Variants in MYO9A observed in about 807,000 individuals in gnomAD.
MYO9A encodes myosin IXA, also known as unconventional myosin-IXa.
Under a neutral mutation model 293.3 loss-of-function variants are expected in MYO9A, and 103 were observed. The ratio of observed to expected loss-of-function variants is 0.35; its 90% CI spans 0.30 to 0.41. The LOEUF (loss-of-function observed/expected upper bound fraction) is 0.41. Among genes scored for constraint, MYO9A ranks in the 10% least tolerant of loss-of-function variants. The probability of loss-of-function intolerance (pLI) is 1.00; values close to 1 mark genes in which losing one functional copy is unlikely to be tolerated. For synonymous variants in MYO9A, 1,001 were observed against 1,035.7 expected (o/e 0.97, Z 0.64); for missense variants, 2,685 against 3,033.0 (o/e 0.89, Z 2.69).
chr15:72,015,010 A>ATTTTT (rs34039364), intron 6 of MYO9A, among the ~76,000 whole-genome samples: 1 of 134,676 alleles, frequency 7.4e-6, no homozygotes, highest in Non-Finnish European at 1.6e-5. Flanking sequence ...CGCCCTGCTA[A>ATTTTT]TTTTTTTTTT....
rs2054428502 is a variant in MYO9A, at chr15:71,825,246, C to T, written c.*1334G>A. 6.6e-6 allele frequency: 1 copy of T among 152,100 alleles called. No individual in the cohort carries two copies. Among genetic ancestry groups the T allele is most frequent in the East Asian group, 1.9e-4 (1 of 5,190 alleles). The allele number at this position is 152,100 out of a possible 1,614,324, so 9.4% of individuals were successfully genotyped here. On this transcript the variant is annotated 3_prime_UTR_variant, in exon 42 of 42. Transcript: ENST00000356056. Reference sequence around the variant, plus strand: ...GGTGAAAATGATGTCTTACTAATTCCCTCAACCCAGGGACGAATGGCTCTC... The same window carrying T: ...GGTGAAAATGATGTCTTACTAATTCTCTCAACCCAGGGACGAATGGCTCTC...
intron 26 of MYO9A, chr15:71,893,153 T>C: frequency 7.8e-7 from 1 of 1,283,190 alleles, no homozygotes; most frequent in Non-Finnish European, 1.0e-6. Context: ...ATTCGAGCTT[T>C]CTTTTTATGG....
At chr15:71,869,418 A>C (rs2056438653) in intron 32 of MYO9A, among the ~76,000 whole-genome samples, 1 of 152,270 alleles carries the variant, frequency 6.6e-6, no homozygotes, top group South Asian at 2.1e-4. Context: ...ACATGCTCTA[A>C]AAAAACTGAC....
In MYO9A at chr15:71,944,158, G is replaced by A. The variant is rs558981004; in HGVS notation, c.2303-5231C>T. 5.3e-5 allele frequency among the ~76,000 whole-genome samples: 8 copies of A among 152,122 alleles called. No individual in the cohort carries two copies. In the South Asian group the frequency reaches 1.2e-3, roughly 24 times the overall value. On this transcript the variant is annotated intron_variant, in intron 15 of 41. Coordinates refer to ENST00000356056, the MANE Select transcript of MYO9A (RefSeq NM_006901.4). ...CAGATAAATCTTCTTTTGTGGAAGT[G>A]TATGTTCAAATCTTTTGCCCATTTA...
At chr15:72,101,964 G>C (rs1335914646) in intron 1 of MYO9A, among the ~76,000 whole-genome samples, 2 of 151,944 alleles carry the variant, frequency 1.3e-5, no homozygotes, top group African/African-American at 4.8e-5. Flanking sequence ...CCCTCTGCCC[G>C]GCCACCACCC....
chr15:72,113,118 A>T (rs1332352639), intron 1 of MYO9A, among the ~76,000 whole-genome samples: 1 of 152,212 alleles, frequency 6.6e-6, no homozygotes, highest in Non-Finnish European at 1.5e-5. Flanking sequence ...TTTACTAAAA[A>T]GCACTGATAT....
intron 11 of MYO9A, among the ~76,000 whole-genome samples, chr15:71,985,447 A>C (rs2076385859): frequency 6.6e-6 from 1 of 152,186 alleles, no homozygotes; most frequent in African/African-American, 2.4e-5. Flanking sequence ...TTGGGAACTG[A>C]GATGATTTTA....
chr15:71,941,812 T>C (rs1231121863), intron 15 of MYO9A, among the ~76,000 whole-genome samples: 6 of 152,090 alleles, frequency 3.9e-5, no homozygotes. Context: ...GGGATGACAA[T>C]CTGAGTAATC....
At chr15:71,935,639 T>G (rs181293534) in intron 16 of MYO9A, among the ~76,000 whole-genome samples, 155 bp from the exon 17 acceptor site, 2 of 152,164 alleles carry the variant, frequency 1.3e-5, no homozygotes, top group African/African-American at 4.8e-5. Flanking sequence ...TGCCAATCAG[T>G]TGGGACTAAC....
intron 8 of MYO9A, among the ~76,000 whole-genome samples, chr15:72,003,332 C>T (rs2076924674): frequency 7.0e-6 from 1 of 143,642 alleles, no homozygotes; most frequent in South Asian, 2.3e-4. Flanking sequence ...AAGAAAAAAA[C>T]TAAGAAACAC....
At chr15:72,002,752 C>T (rs1341360830) in intron 8 of MYO9A, among the ~76,000 whole-genome samples, 3 of 152,114 alleles carry the variant, frequency 2.0e-5, no homozygotes, top group Non-Finnish European at 2.9e-5. Context: ...ACAGTGGTTA[C>T]CTCTGGTGGA....
intron 32 of MYO9A, among the ~76,000 whole-genome samples, chr15:71,871,852 C>T (rs1341025296): frequency 6.6e-6 from 1 of 151,480 alleles, no homozygotes; most frequent in Non-Finnish European, 1.5e-5. Context: ...CATAATTCCA[C>T]TCAGAATATC....
chr15:71,880,067 A>C (rs773505656), intron 29 of MYO9A, among the ~76,000 whole-genome samples: 10 of 152,202 alleles, frequency 6.6e-5, no homozygotes, highest in Admixed American at 1.3e-4. Flanking sequence ...GTTACAAGAA[A>C]ACTCCCGTGT....
intron 15 of MYO9A, among the ~76,000 whole-genome samples, chr15:71,943,603 G>A (rs2058834894): frequency 6.6e-6 from 1 of 151,984 alleles, no homozygotes; most frequent in African/African-American, 2.4e-5. Flanking sequence ...TTTGCTAAAT[G>A]CATTCACCAC....
At chr15:71,952,179 A>G (rs2059067064) in intron 14 of MYO9A, among the ~76,000 whole-genome samples, 1 of 151,938 alleles carries the variant, frequency 6.6e-6, no homozygotes, top group Non-Finnish European at 1.5e-5. Flanking sequence ...AATACAAGCA[A>G]AAATTCAAAA....
rs1567242142 is a variant in MYO9A at position 71,897,911 on chromosome 15, T to A, written c.4592A>T (p.Lys1531Met). The change falls in exon 25 of 42, where the codon AAG becomes ATG. Residue 1531 changes from lysine to methionine, a missense_variant. Lys to Met is a moderately conservative substitution (Grantham distance 95). Coordinates refer to ENST00000356056, the MANE Select transcript of MYO9A (RefSeq NM_006901.4). Reference protein sequence around the residue: ...DILEKERKAFKTIEKPRIGEC... With the variant: ...DILEKERKAFMTIEKPRIGEC... ...TCCAATTCTTGGCTTTTCAATTGTCTTGAAGGCTTTGCGCTCCTTCTCTAA... is the reference window on the plus strand; with the variant it reads ...TCCAATTCTTGGCTTTTCAATTGTCATGAAGGCTTTGCGCTCCTTCTCTAA... 1 of 1,614,172 alleles carries A rather than the reference T, an allele frequency of 6.2e-7. No homozygotes were observed. The highest frequency in any genetic ancestry group is 1.1e-5 in the South Asian group (1 of 91,084).
chr15:72,101,423 G>A (rs1479544196), intron 1 of MYO9A, among the ~76,000 whole-genome samples: 1 of 137,612 alleles, frequency 7.3e-6, no homozygotes, highest in African/African-American at 2.7e-5. Flanking sequence ...GGGAAGTGAG[G>A]AGCCCCTCTG....
intron 19 of MYO9A, among the ~76,000 whole-genome samples, chr15:71,911,564 G>GT (rs1396569485): frequency 6.6e-6 from 1 of 152,110 alleles, no homozygotes; most frequent in African/African-American, 2.4e-5. Context: ...AGCTTTACCA[G>GT]TAAGTTTTAG....
intron 18 of MYO9A, among the ~76,000 whole-genome samples, chr15:71,917,002 G>C (rs562201706): frequency 2.0e-5 from 3 of 152,284 alleles, no homozygotes; most frequent in South Asian, 4.1e-4. Context: ...TACACCACAG[G>C]CAGTATGTAC....
Sources: allele counts gnomAD v4.1 joint callset (sites outside exome capture counted in the v4.1 genomes callset), GRCh38; gene constraint gnomAD v4.1.1; transcripts MANE v1.5; gene names NCBI Gene and HGNC (gene_info 2026-07-23, HGNC 2026-07-21).